ARHGAP35: variants seen among roughly 807,000 people sequenced by gnomAD.
ARHGAP35 encodes the protein Rho GTPase activating protein 35.
ARHGAP35 carries 15 observed loss-of-function variants against 111.1 expected under a neutral mutation model. That is an observed-to-expected ratio of 0.13 (90% CI 0.09 to 0.21). ARHGAP35 has a LOEUF of 0.21. ARHGAP35 is among the 10% of genes least tolerant of loss of function. The pLI, the probability that ARHGAP35 is intolerant of heterozygous loss-of-function variation, is 1.00. For synonymous variants in ARHGAP35, 643 were observed against 710.3 expected, an observed-to-expected ratio of 0.91 and a Z score of 1.51; for missense variants, 1,262 against 1,873.0, an observed-to-expected ratio of 0.67 and a Z score of 6.02.
chr19:46,878,876 A>C (rs116227356), intron 1 of ARHGAP35, among the ~76,000 whole-genome samples: 1 of 151,794 alleles, frequency 6.6e-6, no homozygotes, highest in East Asian at 1.9e-4. Context: ...CTTCTGACTC[A>C]TGGTGGTGGT....
In ARHGAP35 at chr19:46,921,063, A is replaced by G; in HGVS notation, c.2388A>G (p.Ala796=). ...TGATGTGTGGAGATCCTTTTAGTGCAGATGACATACTTTTTCCTGTCCTTC... is the reference window on the plus strand; with the variant it reads ...TGATGTGTGGAGATCCTTTTAGTGCGGATGACATACTTTTTCCTGTCCTTC... The part of the protein sequence containing the change: ...MCLMCGDPFS[A]DDILFPVLQS... The change falls in exon 2 of 7, where the codon GCA becomes GCG. Residue 796 remains alanine (A), a synonymous_variant. Coordinates refer to ENST00000672722, the MANE Select transcript of ARHGAP35 (RefSeq NM_004491.5). This position sits in a 1 kb window ranked among gnomAD's most constrained non-coding sequence, Gnocchi z 4.3. 6.2e-7 allele frequency: 1 copy of G among 1,614,002 alleles called. No homozygotes were observed. The highest frequency in any genetic ancestry group is 1.1e-5 in the South Asian group (1 of 91,076).
intron 2 of ARHGAP35, among the ~76,000 whole-genome samples, chr19:46,935,811 T>C (rs973434727): frequency 6.6e-6 from 1 of 152,246 alleles, no homozygotes; most frequent in African/African-American, 2.4e-5. Context: ...TCTTTGGCTT[T>C]AGGAAATTTA....
chr19:46,920,321 A>C lies in ARHGAP35; in HGVS notation c.1646A>C (p.His549Pro). 6.2e-7 allele frequency: 1 copy of C among 1,614,000 alleles called. No individual in the cohort carries two copies. The highest frequency in any genetic ancestry group is 8.5e-7 in the Non-Finnish European group (1 of 1,179,880). The part of the protein sequence containing the change: ...ERDALILKHI[H>P]FVYHPTKETC... ...GATGCCCTTATTCTGAAACACATTC[A>C]TTTTGTGTACCACCCAACAAAGGAG... is the stretch of plus-strand genomic sequence containing the variant. Residue 549 changes from histidine to proline, a missense_variant, in exon 2 of 7, where the codon CAT becomes CCT. This residue lies in a region of ARHGAP35 where 328 missense variants were observed against 440.8 expected (regional missense o/e 0.74). Transcript: ENST00000672722. This position sits in a 1 kb window ranked among gnomAD's most constrained non-coding sequence, Gnocchi z 7.0.
chr19:46,942,551 T>G (rs774385284), intron 3 of ARHGAP35, among the ~76,000 whole-genome samples: 1 of 152,068 alleles, frequency 6.6e-6, no homozygotes, highest in Non-Finnish European at 1.5e-5. Flanking sequence ...GTGGGAGAAT[T>G]ACTTGAACCC....
intron 3 of ARHGAP35, among the ~76,000 whole-genome samples, chr19:46,979,499 A>G (rs1357372895): frequency 6.6e-6 from 1 of 152,188 alleles, no homozygotes; most frequent in Non-Finnish European, 1.5e-5. Flanking sequence ...ATTTTCTTGA[A>G]AGTCAGGGAA....
intron 1 of ARHGAP35, among the ~76,000 whole-genome samples, chr19:46,913,013 A>G (rs1221623041): frequency 6.6e-6 from 1 of 151,920 alleles, no homozygotes; most frequent in Non-Finnish European, 1.5e-5. Context: ...TGTGATAACA[A>G]GTATTTTACT....
chr19:46,898,997 A>G (rs917644173), intron 1 of ARHGAP35, among the ~76,000 whole-genome samples: 4 of 152,196 alleles, frequency 2.6e-5, no homozygotes, highest in African/African-American at 9.7e-5. Context: ...TTGCCAACCA[A>G]TCTCCAGCCT....
Position 47,001,489 on chromosome 19 carries a change from C to T in ARHGAP35, c.*801C>T. ...GCCTCTGCCGGGAGGGAGGGAGGCACACAGGTGGAGCTGACCCTCGTCTTT... is the reference window on the plus strand; with the variant it reads ...GCCTCTGCCGGGAGGGAGGGAGGCATACAGGTGGAGCTGACCCTCGTCTTT... On this transcript the variant is annotated 3_prime_UTR_variant, in exon 7 of 7. Coordinates refer to ENST00000672722, the MANE Select transcript of ARHGAP35 (RefSeq NM_004491.5). This position sits in a 1 kb window ranked among gnomAD's most constrained non-coding sequence, Gnocchi z 5.4. 1 of 1,043,246 alleles carries T rather than the reference C, an allele frequency of 9.6e-7. No homozygotes were observed. Among genetic ancestry groups the T allele is most frequent in the East Asian group, 5.9e-5 (1 of 16,920 alleles). The allele number at this position is 1,043,246 out of a possible 1,614,324, so 64.6% of individuals were successfully genotyped here. A position where few individuals can be genotyped will look rare whatever the true frequency, so the allele number is the denominator to read the frequency against.
intron 3 of ARHGAP35, among the ~76,000 whole-genome samples, chr19:46,972,992 A>G (rs1006501824): frequency 6.6e-6 from 1 of 150,556 alleles, no homozygotes; most frequent in Admixed American, 6.7e-5. Flanking sequence ...CTGAAGATTT[A>G]CTTCCAAACC....
At chr19:46,970,620 A>T (rs1004575292) in intron 3 of ARHGAP35, among the ~76,000 whole-genome samples, 3 of 152,172 alleles carry the variant, frequency 2.0e-5, no homozygotes, top group Admixed American at 2.0e-4. Context: ...AAAAAGTTAG[A>T]GATCACTGTT....
chr19:46,955,165 C>G (rs1339445987), intron 3 of ARHGAP35, among the ~76,000 whole-genome samples: 1 of 152,192 alleles, frequency 6.6e-6, no homozygotes, highest in African/African-American at 2.4e-5. Flanking sequence ...CCAGCCTGAG[C>G]AGAACTCAAT....
Position 46,949,740 on chromosome 19 carries a change from T to G in ARHGAP35, c.3826+12332T>G, listed in dbSNP as rs533794365. Among the ~76,000 whole-genome samples, 6 of 152,328 alleles carry G rather than the reference T, an allele frequency of 3.9e-5. No homozygotes were observed. In the South Asian group the frequency reaches 1.2e-3, roughly 32 times the overall value. On this transcript the variant is annotated intron_variant, in intron 3 of 6. Coordinates refer to ENST00000672722, the MANE Select transcript of ARHGAP35 (RefSeq NM_004491.5). ...TTTTCTGTTCCTTCAAATTGGGAAT[T>G]AAAATAACAACTCTTTCAAAGGGAG...
intron 2 of ARHGAP35, among the ~76,000 whole-genome samples, chr19:46,927,950 A>G (rs544715471): frequency 1.5e-3 from 231 of 152,282 alleles, no homozygotes; most frequent in African/African-American, 5.4e-3. Context: ...TTGTTCATTC[A>G]AACAAAAGAT....
intron 3 of ARHGAP35, among the ~76,000 whole-genome samples, chr19:46,954,186 GAGAAAA>G (rs1404885190): frequency 6.6e-6 from 1 of 152,176 alleles, no homozygotes; most frequent in Non-Finnish European, 1.5e-5. Flanking sequence ...TCAGAACCAT[GAGAAAA>G]AGAGAGCTAT....
intron 1 of ARHGAP35, among the ~76,000 whole-genome samples, chr19:46,865,659 A>G (rs2055851681): frequency 2.0e-5 from 3 of 152,174 alleles, no homozygotes; most frequent in African/African-American, 4.8e-5. Context: ...TCAGGTCAAT[A>G]TAGTTGGAGA....
At chr19:46,911,799 AT>A (rs2056138778) in intron 1 of ARHGAP35, among the ~76,000 whole-genome samples, 1 of 152,168 alleles carries the variant, frequency 6.6e-6, no homozygotes, top group Non-Finnish European at 1.5e-5. Flanking sequence ...ATTTTTGCAT[AT>A]TACTAATTAA....
chr19:46,975,831 G>A (rs1342639671), intron 3 of ARHGAP35, among the ~76,000 whole-genome samples: 2 of 152,162 alleles, frequency 1.3e-5, no homozygotes, highest in Non-Finnish European at 2.9e-5. Context: ...AGTTCCTAGA[G>A]CTATCATGAA....
rs1438587006 is a variant in ARHGAP35 at position 47,002,767 on chromosome 19, C to G, written c.*2079C>G. On this transcript the variant is annotated 3_prime_UTR_variant, in exon 7 of 7. Coordinates refer to ENST00000672722, the MANE Select transcript of ARHGAP35 (RefSeq NM_004491.5). ...TGTGTGAACGCAGGCAAAAGCAGCC[C>G]AGTCCCCCTCACTGCTTGAGCTAAC... 3 of 152,270 alleles carry G rather than the reference C, an allele frequency of 2.0e-5. No individual in the cohort carries two copies. Among genetic ancestry groups the G allele is most frequent in the Admixed American group, 2.0e-4 (3 of 15,286 alleles). The allele number at this position is 152,270 out of a possible 1,614,324, so 9.4% of individuals were successfully genotyped here.
chr19:46,879,101 C>T (rs1281024586), intron 1 of ARHGAP35, among the ~76,000 whole-genome samples: 1 of 152,182 alleles, frequency 6.6e-6, no homozygotes, highest in Non-Finnish European at 1.5e-5. Flanking sequence ...TACTCTGAAT[C>T]CTTTGTTGTC....
Sources: allele counts gnomAD v4.1 joint callset (sites outside exome capture counted in the v4.1 genomes callset), GRCh38; gene constraint gnomAD v4.1.1; regional missense constraint gnomAD v4.1.1; non-coding constraint Gnocchi (gnomAD v3.1); transcripts MANE v1.5; gene names NCBI Gene and HGNC (gene_info 2026-07-23, HGNC 2026-07-21).